Variants in SLC25A39 observed in about 807,000 individuals in gnomAD.
SLC25A39 encodes the protein mitochondrial glutathione transporter SLC25A39.
A neutral mutation model predicts 46.6 loss-of-function variants in SLC25A39; 44 were observed. The ratio of observed to expected loss-of-function variants is 0.94; its 90% CI spans 0.74 to 1.21. SLC25A39 has a LOEUF of 1.21. Among genes scored for constraint, SLC25A39 ranks in the 50% most tolerant of loss-of-function variants. The pLI, the probability that SLC25A39 is intolerant of heterozygous loss-of-function variation, is 0.00. For synonymous variants in SLC25A39, 218 were observed against 190.6 expected, an observed-to-expected ratio of 1.14 and a Z score of -1.19; for missense variants, 487 against 473.0, an observed-to-expected ratio of 1.03 and a Z score of -0.28.
chr17:44,320,892 G>A (rs1302495404), intron 8 of SLC25A39, 161 bp from the exon 9 acceptor site: 5 of 992,950 alleles, frequency 5.0e-6, no homozygotes, highest in Non-Finnish European at 5.8e-6. Context: ...CTGACCGCCT[G>A]GGCAAATACT....
rs1380090941 is a variant in SLC25A39, at chr17:44,321,564, G to A, written c.393-6C>T. Reference sequence around the variant, plus strand: ...TAGCTGGCACAGTCATCACCCTGGGGATACAGAGAGAGGTTAGCTGGGACT... The same window carrying A: ...TAGCTGGCACAGTCATCACCCTGGGAATACAGAGAGAGGTTAGCTGGGACT... On this transcript the variant is annotated splice_region_variant and splice_polypyrimidine_tract_variant and intron_variant, in intron 6 of 11. Coordinates refer to ENST00000377095, the MANE Select transcript of SLC25A39 (RefSeq NM_001143780.3). 1 of 1,613,784 alleles carries A rather than the reference G, an allele frequency of 6.2e-7. No homozygotes were observed. Among genetic ancestry groups the A allele is most frequent in the Non-Finnish European group, 8.5e-7 (1 of 1,179,838 alleles).
At chr17:44,320,166 T>A (rs1169957557) in intron 11 of SLC25A39, 30 bp downstream of exon 11, 2 of 1,613,808 alleles carry the variant, frequency 1.2e-6, no homozygotes, top group Non-Finnish European at 1.7e-6. Context: ...AGGTCCGCCA[T>A]GCCCCCACCC....
intron 5 of SLC25A39, among the ~76,000 whole-genome samples, 189 bp from the exon 6 acceptor site, chr17:44,321,956 C>T (rs1053345317): frequency 8.5e-5 from 13 of 152,150 alleles, no homozygotes; most frequent in African/African-American, 3.1e-4. Flanking sequence ...CTTCAAAAAC[C>T]TTATGGAGGC....
chr17:44,323,651 T>G (rs1404076133), intron 1 of SLC25A39, 74 bp from the exon 2 acceptor site: 1 of 1,118,656 alleles, frequency 8.9e-7, no homozygotes, highest in Non-Finnish European at 1.3e-6. Context: ...GTGAGACTTT[T>G]GTTTTGAGAC....
chr17:44,323,445 A>G (rs774642608), intron 2 of SLC25A39, 33 bp downstream of exon 2: 9 of 333,786 alleles, frequency 2.7e-5, no homozygotes, highest in Non-Finnish European at 2.6e-5. Flanking sequence ...CCCCATCCCC[A>G]CCCGCCCCCA....
intron 9 of SLC25A39, 93 bp from the exon 10 acceptor site, chr17:44,320,529 C>CCT (rs1424336252): frequency 1.3e-6 from 2 of 1,578,304 alleles, no homozygotes; most frequent in African/African-American, 2.7e-5. Flanking sequence ...GGGACAAAGG[C>CCT]CTCATGGGGT....
rs548895675 is a variant in SLC25A39 at position 44,320,174 on chromosome 17, C to A, written c.964+22G>T. 33 of 1,613,984 alleles carry A rather than the reference C, an allele frequency of 2.0e-5. No individual in the cohort carries two copies. The South Asian group carries it at 2.9e-4, about 14-fold the overall frequency. On this transcript the variant is annotated intron_variant, in intron 11 of 11. Coordinates refer to ENST00000377095, the MANE Select transcript of SLC25A39 (RefSeq NM_001143780.3). The stretch of plus-strand genomic sequence containing the variant: ...AGGTCGCAGGTCCGCCATGCCCCCA[C>A]CCCCGACACCCACACACTGACCTGC...
At chr17:44,322,716 T>C (rs1205310030) in intron 4 of SLC25A39, 92 bp downstream of exon 4, 2 of 1,588,692 alleles carry the variant, frequency 1.3e-6, no homozygotes, top group South Asian at 1.1e-5. Flanking sequence ...TGCTAGTCCA[T>C]GGCTGTGGAG....
chr17:44,322,613 G>A (rs2048085053), intron 4 of SLC25A39, 61 bp from the exon 5 acceptor site: 1 of 1,590,300 alleles, frequency 6.3e-7, no homozygotes, highest in Non-Finnish European at 8.6e-7. Flanking sequence ...GGAGGCAGTG[G>A]GCCCCTATCC....
intron 7 of SLC25A39, 25 bp downstream of exon 7, chr17:44,321,409 G>A: frequency 6.2e-7 from 1 of 1,613,558 alleles, no homozygotes; most frequent in East Asian, 2.2e-5. Context: ...ACAGAGGGAG[G>A]TCAAAGGCCC....
chr17:44,323,439 A>AGGCCCCCCCCCCCCCCCC, intron 2 of SLC25A39, 39 bp downstream of exon 2: 1 of 257,110 alleles, frequency 3.9e-6, no homozygotes, highest in Non-Finnish European at 5.7e-6. Flanking sequence ...GGTCTGCCCC[A>AGGCCCCCCCCCCCCCCCC]TCCCCACCCG....
intron 4 of SLC25A39, 91 bp downstream of exon 4, chr17:44,322,717 G>A: frequency 4.4e-6 from 7 of 1,589,414 alleles, no homozygotes; most frequent in African/African-American, 2.7e-5. Context: ...GCTAGTCCAT[G>A]GCTGTGGAGC....
rs914282392 is a variant in SLC25A39 at position 44,324,779 on chromosome 17, C to A, written c.-84G>T. ...GGCGGGCCCATACCGGCTCCGCCGC[C>A]TGTGCGCGGTCCGCGCGCGCTCGCA... On this transcript the variant is annotated 5_prime_UTR_variant, in exon 1 of 12. In the 5' UTR this introduces an upstream ATG that the reference lacks. Transcript: ENST00000377095. 2.0e-5 allele frequency: 3 copies of A among 152,188 alleles called. No individual in the cohort carries two copies. The highest frequency in any genetic ancestry group is 2.1e-4 in the South Asian group (1 of 4,836). The allele number at this position is 152,188 out of a possible 1,614,324, so 9.4% of individuals were successfully genotyped here.
At chr17:44,322,786 C>T (rs776242673) in intron 4 of SLC25A39, 22 bp downstream of exon 4, 2 of 1,613,946 alleles carry the variant, frequency 1.2e-6, no homozygotes, top group Admixed American at 1.7e-5. Flanking sequence ...CTCCCATGCT[C>T]CCTGTGGCTT....
chr17:44,320,751 T>C lies in SLC25A39; in HGVS notation c.692-20A>G, dbSNP rs983738727. 3.2e-6 allele frequency: 5 copies of C among 1,587,040 alleles called. No homozygotes were observed. The African/African-American group carries it at 4.0e-5, about 13-fold the overall frequency. ...ACAGGGCTTGGGGTGGGGGATGCAC[T>C]GATTAGAGACGGGAAGGGCAAGGAA... On this transcript the variant is annotated intron_variant, in intron 8 of 11. Coordinates refer to ENST00000377095, the MANE Select transcript of SLC25A39 (RefSeq NM_001143780.3).
chr17:44,322,312 T>C, intron 5 of SLC25A39, 107 bp downstream of exon 5: 1 of 1,276,078 alleles, frequency 7.8e-7, no homozygotes, highest in Non-Finnish European at 1.1e-6. Flanking sequence ...CGGAACCGGC[T>C]ACCTCTGCGT....
chr17:44,322,690 A>G (rs980916151), intron 4 of SLC25A39, 118 bp downstream of exon 4: 1 of 1,559,410 alleles, frequency 6.4e-7, no homozygotes, highest in Non-Finnish European at 8.7e-7. Context: ...ACTGGCTGGC[A>G]GGACCTGGGA....
intron 1 of SLC25A39, 171 bp from the exon 2 acceptor site, chr17:44,323,748 T>G: frequency 1.7e-6 from 1 of 589,528 alleles, no homozygotes; most frequent in East Asian, 2.9e-5. Flanking sequence ...TTCAAGCGGT[T>G]CTCTTGCTTC....
Position 44,320,453 on chromosome 17 carries a change from G to C in SLC25A39, c.802-17C>G, listed in dbSNP as rs545826495. ...TGCAGCCACCTGGTGGGGTGGGCGG[G>C]GAGAGGGCTCAGCTCCACTTCCTGG... On this transcript the variant is annotated splice_polypyrimidine_tract_variant and intron_variant, in intron 9 of 11. Coordinates refer to ENST00000377095, the MANE Select transcript of SLC25A39 (RefSeq NM_001143780.3). 4 of 1,613,242 alleles carry C rather than the reference G, an allele frequency of 2.5e-6. No individual in the cohort carries two copies. The highest frequency in any genetic ancestry group is 1.1e-5 in the South Asian group (1 of 91,080).
Sources: gnomAD v4.1 joint callset for allele counts (sites outside exome capture counted in the v4.1 genomes callset) on GRCh38, gnomAD v4.1.1 for gene constraint, MANE v1.5 for transcripts, NCBI Gene and HGNC (gene_info 2026-07-23, HGNC 2026-07-21) for gene names.